The following SIRT3 variants were observed in gnomAD, a reference collection of about 807,000 sequenced individuals.
The protein encoded by SIRT3 is sirtuin 3.
A neutral mutation model predicts 33.5 loss-of-function variants in SIRT3; 26 were observed. The ratio of observed to expected loss-of-function variants is 0.78; its 90% confidence interval spans 0.57 to 1.08. The LOEUF (loss-of-function observed/expected upper bound fraction) is 1.08, where lower values mean the gene tolerates loss of function less well. SIRT3 is among the 50% of genes least tolerant of loss of function. The pLI, the probability that SIRT3 is intolerant of heterozygous loss-of-function variation, is 0.00. For missense variants in SIRT3, 585 were observed against 530.1 expected, an observed-to-expected ratio of 1.10 and a Z score of -1.02; for synonymous variants, 237 against 222.1, an observed-to-expected ratio of 1.07 and a Z score of -0.60.
intron 1 of SIRT3, among the ~76,000 whole-genome samples, chr11:234,886 T>C (rs1010007816): frequency 6.7e-6 from 1 of 149,958 alleles, no homozygotes; most frequent in Non-Finnish European, 1.5e-5. Flanking sequence ...GGGATCTTTG[T>C]TTTTTTTTGA....
Position 218,963 on chromosome 11 carries a change from G to A in SIRT3, c.1048C>T (p.Pro350Ser). 6.2e-7 allele frequency: 1 copy of A among 1,614,136 alleles called. No homozygotes were observed. The highest frequency in any genetic ancestry group is 8.5e-7 in the Non-Finnish European group (1 of 1,180,038). Residue 350 changes from proline (P) to serine (S), a missense_variant, in exon 6 of 7, where the codon CCC (proline) becomes TCC (serine). Transcript: ENST00000382743. The part of the protein sequence containing the change: ...RLLINRDLVG[P>S]LAWHPRSRDV... ...CTGCTGCGAGGATGCCAAGCCAAGG[G>A]CCCCACCAAGTCCCGGTTGATGAGC...
At chr11:236,922 G>A, upstream of SIRT3, 1 of 768,428 alleles carries the variant, frequency 1.3e-6, no homozygotes, top group Non-Finnish European at 2.2e-6. Flanking sequence ...GCCCGCCCCC[G>A]GCCTGCTACG....
In SIRT3 at chr11:236,340, T is replaced by C; in HGVS notation, c.-12A>G. On this transcript the variant is annotated 5_prime_UTR_variant, in exon 1 of 7. Coordinates refer to ENST00000382743, the MANE Select transcript of SIRT3 (RefSeq NM_012239.6). ...CCCCAGAACGCCATGTTCCGCGCAG[T>C]CCAAGGAGTCCTCCGGACTCGCCCC... The C allele has an allele frequency of 7.4e-7, 1 of 1,353,718 alleles. No individual in the cohort carries two copies. Among genetic ancestry groups the C allele is most frequent in the Non-Finnish European group, 9.5e-7 (1 of 1,050,038 alleles). The allele number at this position is 1,353,718 out of a possible 1,614,324, so 83.9% of individuals were successfully genotyped here. A position where few individuals can be genotyped will look rare whatever the true frequency, so the allele number is the denominator to read the frequency against.
chr11:225,139 C>T (rs963321622), intron 4 of SIRT3, among the ~76,000 whole-genome samples: 2 of 151,732 alleles, frequency 1.3e-5, no homozygotes, highest in South Asian at 4.2e-4. Context: ...AAAGGCCAGG[C>T]GCAGTGGCTC....
intron 4 of SIRT3, among the ~76,000 whole-genome samples, chr11:230,066 T>A (rs1406049271): frequency 1.3e-5 from 2 of 151,468 alleles, no homozygotes; most frequent in Non-Finnish European, 2.9e-5. Flanking sequence ...GCCATCTGAT[T>A]GCCGGGCGTG....
chr11:235,772 G>C (rs949843158), intron 1 of SIRT3, among the ~76,000 whole-genome samples: 4 of 152,146 alleles, frequency 2.6e-5, no homozygotes, highest in African/African-American at 9.7e-5. Context: ...CCCAGTACTA[G>C]GAATTTATGC....
At chr11:236,386 G>GGCCCCC, upstream of SIRT3, 1 of 1,106,988 alleles carries the variant, frequency 9.0e-7, no homozygotes, top group East Asian at 3.8e-5. Flanking sequence ...CCCCGGCCCC[G>GGCCCCC]CCTCCGCCTC....
Position 233,059 on chromosome 11 carries a change from G to C in SIRT3, c.630C>G (p.His210Gln), listed in dbSNP as rs1794097. Residue 210 changes from histidine (H) to glutamine (Q), a missense_variant, in exon 3 of 7, where the codon CAC becomes CAG. Coordinates refer to ENST00000382743, the MANE Select transcript of SIRT3 (RefSeq NM_012239.6). ...YPGNYKPNVTHYFLRLLHDKG... is the reference protein window; with the variant it reads ...YPGNYKPNVTQYFLRLLHDKG... The stretch of plus-strand genomic sequence containing the variant: ...TGTCATGAAGCAGCCGGAGAAAGTA[G>C]TGAGTGACGTTGGGCTTGTAGTTTC... 5 of 1,614,082 alleles carry C rather than the reference G, an allele frequency of 3.1e-6. No individual in the cohort carries two copies. In the South Asian group the frequency reaches 5.5e-5, roughly 18 times the overall value.
Position 219,026 on chromosome 11 carries a change from T to G in SIRT3, c.985A>C (p.Ser329Arg). Reference protein sequence around the residue: ...GTSLEVEPFASLTEAVRSSVP... With the variant: ...GTSLEVEPFARLTEAVRSSVP... Reference sequence around the variant, plus strand: ...GAGCTCCGCACGGCCTCGGTCAAGCTGGCAAAAGGCTCCACCTGAAAAATG... The same window carrying G: ...GAGCTCCGCACGGCCTCGGTCAAGCGGGCAAAAGGCTCCACCTGAAAAATG... Residue 329 changes from serine (S) to arginine (R), a missense_variant, in exon 6 of 7, where the codon AGC (serine) becomes CGC (arginine). Transcript: ENST00000382743. 6.2e-7 allele frequency: 1 copy of G among 1,612,912 alleles called. No individual in the cohort carries two copies. The highest frequency in any genetic ancestry group is 8.5e-7 in the Non-Finnish European group (1 of 1,179,584).
In SIRT3 at chr11:236,030, T is replaced by C. The variant is rs75032395; in HGVS notation, c.281+18A>G. On this transcript the variant is annotated intron_variant, in intron 1 of 6. Transcript: ENST00000382743. ...CGACAACGAACACGCAAGAAGTGCT[T>C]GTCCTTGCCCAAAATACCTCGAAAA... 1.8e-4 allele frequency: 270 copies of C among 1,485,242 alleles called. 3 individuals are homozygous for C. In the East Asian group the frequency reaches 5.8e-3, roughly 32 times the overall value. The allele number at this position is 1,485,242 out of a possible 1,614,324, so 92.0% of individuals were successfully genotyped here.
chr11:223,212 C>T lies in SIRT3; in HGVS notation c.969+866G>A, dbSNP rs896570186. ...TTTTAGGAATTTCCTGAGCTGCAGA[C>T]GCAGACGCAGAACAGCTGCTTGAAC... On this transcript the variant is annotated intron_variant, in intron 5 of 6. Transcript: ENST00000382743. The surrounding 1 kb of genome is among the most constrained non-coding windows in gnomAD (Gnocchi z 4.8). The T allele has an allele frequency of 1.3e-5, 2 of 156,140 alleles. No individual in the cohort carries two copies. The highest frequency in any genetic ancestry group is 2.8e-5 in the Non-Finnish European group (2 of 71,658). The allele number at this position is 156,140 out of a possible 1,614,324, so 9.7% of individuals were successfully genotyped here.
At chr11:216,806 G>T in intron 6 of SIRT3, 88 bp from the exon 7 acceptor site, 1 of 1,377,704 alleles carries the variant, frequency 7.3e-7, no homozygotes, top group Non-Finnish European at 1.0e-6. Context: ...TCTAGCTGCA[G>T]ACATGCAAAA....
chr11:223,535 G>A lies in SIRT3; in HGVS notation c.969+543C>T. The stretch of plus-strand genomic sequence containing the variant: ...CAGCTACGTCCCCGGGCCAGTCCCT[G>A]TGGATTTATCACTCCTCCCACTGCA... On this transcript the variant is annotated intron_variant, in intron 5 of 6. Coordinates refer to ENST00000382743, the MANE Select transcript of SIRT3 (RefSeq NM_012239.6). This position sits in a 1 kb window ranked among gnomAD's most constrained non-coding sequence, Gnocchi z 4.8. The A allele has an allele frequency of 2.7e-6, 1 of 368,378 alleles. No homozygotes were observed. Among genetic ancestry groups the A allele is most frequent in the South Asian group, 2.2e-5 (1 of 45,364 alleles). 22.8% of individuals were successfully genotyped at this position (368,378 alleles called of 1,614,324 possible).
At chr11:222,566 C>T (rs1410331407) in intron 5 of SIRT3, 2 of 152,716 alleles carry the variant, frequency 1.3e-5, no homozygotes, top group South Asian at 2.1e-4. Context: ...CAGTGCCAGC[C>T]GGTGATTACC....
chr11:221,204 A>C (rs1229285316), intron 5 of SIRT3, among the ~76,000 whole-genome samples: 1 of 152,208 alleles, frequency 6.6e-6, no homozygotes, highest in Non-Finnish European at 1.5e-5. Context: ...CTATAACCTC[A>C]AATTCCTGGG....
At chr11:220,341 A>AAG (rs1173780862) in intron 5 of SIRT3, among the ~76,000 whole-genome samples, 25 of 150,376 alleles carry the variant, frequency 1.7e-4, no homozygotes, top group African/African-American at 5.8e-4. Flanking sequence ...AAAAAAAAAA[A>AAG]AAAAAAAAAG....
chr11:232,224 T>A (rs1344762718), intron 3 of SIRT3, among the ~76,000 whole-genome samples: 1 of 152,082 alleles, frequency 6.6e-6, no homozygotes, highest in African/African-American at 2.4e-5. Context: ...TTCAAGAGAT[T>A]CTCCTGTCTC....
intron 5 of SIRT3, among the ~76,000 whole-genome samples, chr11:220,562 C>CCA (rs909702666): frequency 5.3e-5 from 8 of 151,940 alleles, no homozygotes; most frequent in African/African-American, 1.2e-4. Context: ...GCACCCCCCT[C>CCA]CACACACACA....
chr11:221,201 C>T (rs1467565721), intron 5 of SIRT3, among the ~76,000 whole-genome samples: 2 of 152,216 alleles, frequency 1.3e-5, no homozygotes, highest in Non-Finnish European at 2.9e-5. Flanking sequence ...TCACTATAAC[C>T]TCAAATTCCT....
Sources: allele counts gnomAD v4.1 joint callset (sites outside exome capture counted in the v4.1 genomes callset), GRCh38; gene constraint gnomAD v4.1.1; non-coding constraint Gnocchi (gnomAD v3.1); transcripts MANE v1.5; gene names NCBI Gene and HGNC (gene_info 2026-07-23, HGNC 2026-07-21).